CMKLR1: variants seen among roughly 807,000 people sequenced by gnomAD.
CMKLR1 encodes chemerin chemokine-like receptor 1.
CMKLR1 carries 6 observed loss-of-function variants against 8.2 expected under a neutral mutation model. That is an observed-to-expected ratio of 0.73 (90% confidence interval 0.40 to 1.44). The LOEUF is 1.44. Among genes scored for constraint, CMKLR1 ranks in the 40% most tolerant of loss-of-function variants. The probability of loss-of-function intolerance (pLI) is 0.02; values close to 1 mark genes in which losing one functional copy is unlikely to be tolerated. For missense variants in CMKLR1, 429 were observed against 478.0 expected, an observed-to-expected ratio of 0.90 and a Z score of 0.96; for synonymous variants, 178 against 181.2, an observed-to-expected ratio of 0.98 and a Z score of 0.14.
At chr12:108,314,382 TG>T (rs1891664773) in intron 2 of CMKLR1, among the ~76,000 whole-genome samples, 1 of 152,120 alleles carries the variant, frequency 6.6e-6, no homozygotes, top group Admixed American at 6.5e-5. Flanking sequence ...TAAGGCTTCC[TG>T]ATGCTAGGAG....
chr12:108,316,521 G>A (rs955418997), intron 2 of CMKLR1, among the ~76,000 whole-genome samples: 3 of 152,146 alleles, frequency 2.0e-5, no homozygotes, highest in Admixed American at 6.5e-5. Flanking sequence ...AAGGCAGGGT[G>A]AAGAAAGTCC....
chr12:108,316,361 A>C (rs11113812), intron 2 of CMKLR1, among the ~76,000 whole-genome samples: 79,552 of 151,914 alleles, frequency 0.52, 21,661 homozygotes, highest in East Asian at 0.71. Context: ...CAGAGAGAAC[A>C]GAGGATGACA....
Position 108,292,588 on chromosome 12 carries a change from G to A in CMKLR1, c.375C>T (p.Thr125=). Residue 125 remains threonine, a synonymous_variant, in exon 4 of 4, where the codon ACC becomes ACT. Transcript: ENST00000550402. ...SNFLLIHNMF[T]SVFLLTIISS... ...TGATGATGGTCAGCAGGAAGACGCT[G>A]GTGAACATGTTGTGGATGAGAAGGA... 6.2e-7 allele frequency: 1 copy of A among 1,614,190 alleles called. No individual in the cohort carries two copies. The highest frequency in any genetic ancestry group is 8.5e-7 in the Non-Finnish European group (1 of 1,180,036).
intron 2 of CMKLR1, among the ~76,000 whole-genome samples, chr12:108,316,174 C>T (rs1255553810): frequency 6.6e-6 from 1 of 152,218 alleles, no homozygotes; most frequent in Non-Finnish European, 1.5e-5. Context: ...AAACAAAGCA[C>T]AGGCCTTCTG....
chr12:108,332,873 AG>A (rs1344810163), intron 1 of CMKLR1, among the ~76,000 whole-genome samples: 1 of 152,154 alleles, frequency 6.6e-6, no homozygotes, highest in Non-Finnish European at 1.5e-5. Context: ...CCACCTACTC[AG>A]GAGGTGGGAG....
At chr12:108,309,200 A>T (rs970321733) in intron 2 of CMKLR1, among the ~76,000 whole-genome samples, 1 of 152,242 alleles carries the variant, frequency 6.6e-6, no homozygotes, top group Non-Finnish European at 1.5e-5. Context: ...AGCTCTATGT[A>T]AATGCTGAAA....
intron 2 of CMKLR1, among the ~76,000 whole-genome samples, chr12:108,318,247 C>G (rs1260783711): frequency 6.6e-6 from 1 of 152,218 alleles, no homozygotes; most frequent in Non-Finnish European, 1.5e-5. Context: ...TTAATAGAGT[C>G]TGGAGTTCTC....
chr12:108,316,903 A>T (rs140218883), intron 2 of CMKLR1, among the ~76,000 whole-genome samples: 40 of 152,166 alleles, frequency 2.6e-4, no homozygotes, highest in African/African-American at 9.4e-4. Flanking sequence ...GGCTCAAGTG[A>T]TCCTCCCACT....
In CMKLR1 at chr12:108,291,017, C is replaced by T. The variant is rs1890948379; in HGVS notation, c.*824G>A. On this transcript the variant is annotated 3_prime_UTR_variant, in exon 4 of 4. Transcript: ENST00000550402. Reference sequence around the variant, plus strand: ...AAGATGCCTGCCACAACCCCACCCCCAGGTAAGAGGGGCAAGGTGAGATCA... The same window carrying T: ...AAGATGCCTGCCACAACCCCACCCCTAGGTAAGAGGGGCAAGGTGAGATCA... 6.6e-6 allele frequency: 1 copy of T among 152,364 alleles called. No homozygotes were observed. The allele number at this position is 152,364 out of a possible 1,614,324, so 9.4% of individuals were successfully genotyped here. A position where few individuals can be genotyped will look rare whatever the true frequency, so the allele number is the denominator to read the frequency against.
intron 1 of CMKLR1, among the ~76,000 whole-genome samples, chr12:108,336,144 AGTTCTCAAGTTTTGGGGTGCATCTGAAT>A (rs1892215770): frequency 6.6e-6 from 1 of 152,208 alleles, no homozygotes; most frequent in Non-Finnish European, 1.5e-5. Flanking sequence ...CTAGGTTGGT[AGTTCTCAAGTTTTGGGGTGCATCTGAAT>A]GACCTGGGGT....
rs1213912476 is a variant in CMKLR1, at chr12:108,292,498, C to T, written c.465G>A (p.Leu155=). Residue 155 remains leucine, a synonymous_variant, in exon 4 of 4, where the codon CTG becomes CTA. Transcript: ENST00000550402. ...AGATGACCATGCAGGCCATGTAAGCCAGGCGAACGCTGCGGTGGTTCTGGG... is the reference window on the plus strand; with the variant it reads ...AGATGACCATGCAGGCCATGTAAGCTAGGCGAACGCTGCGGTGGTTCTGGG... The part of the protein sequence containing the change: ...VWSQNHRSVR[L]AYMACMVIWV... The T allele has an allele frequency of 6.2e-7, 1 of 1,614,064 alleles. No homozygotes were observed. Among genetic ancestry groups the T allele is most frequent in the Non-Finnish European group, 8.5e-7 (1 of 1,180,050 alleles).
At chr12:108,300,400 C>A (rs973849026) in intron 2 of CMKLR1, among the ~76,000 whole-genome samples, 23 of 152,306 alleles carry the variant, frequency 1.5e-4, no homozygotes, top group African/African-American at 5.3e-4. Flanking sequence ...TTCCATGTAC[C>A]TATCACCTAA....
intron 2 of CMKLR1, among the ~76,000 whole-genome samples, chr12:108,301,287 G>A (rs1421577244): frequency 6.6e-6 from 1 of 151,930 alleles, no homozygotes; most frequent in Admixed American, 6.5e-5. Flanking sequence ...ATGTTAGCCA[G>A]GATGGTCTCA....
chr12:108,316,899 A>G (rs1227529724), intron 2 of CMKLR1, among the ~76,000 whole-genome samples: 1 of 152,194 alleles, frequency 6.6e-6, no homozygotes, highest in African/African-American at 2.4e-5. Context: ...CCTGGGCTCA[A>G]GTGATCCTCC....
chr12:108,338,698 G>C lies in CMKLR1; in HGVS notation c.-287+329C>G, dbSNP rs186382439. On this transcript the variant is annotated intron_variant, in intron 1 of 3. Coordinates refer to ENST00000550402, the MANE Select transcript of CMKLR1 (RefSeq NM_001142343.2). ...AAAGAAGCAAATCTATTATGGAAAA[G>C]TCAAATAATCTTAAGATAGCCTTTC... Among the ~76,000 whole-genome samples the C allele has an allele frequency of 3.9e-4, 59 of 152,220 alleles. 1 individual carries two copies. Among genetic ancestry groups the C allele is most frequent in the African/African-American group, 1.3e-3 (54 of 41,550 alleles).
chr12:108,316,096 T>C (rs1338044806), intron 2 of CMKLR1, among the ~76,000 whole-genome samples: 3 of 152,172 alleles, frequency 2.0e-5, no homozygotes, highest in African/African-American at 7.2e-5. Flanking sequence ...ATGGAGTCAC[T>C]GCAAAATGAA....
chr12:108,294,883 A>C (rs990720923), intron 2 of CMKLR1, among the ~76,000 whole-genome samples: 2 of 152,184 alleles, frequency 1.3e-5, no homozygotes, highest in East Asian at 3.9e-4. Flanking sequence ...GATCCTTCCC[A>C]GCTTAAGGTT....
chr12:108,335,029 A>G (rs1380858741), intron 1 of CMKLR1, among the ~76,000 whole-genome samples: 1 of 152,152 alleles, frequency 6.6e-6, no homozygotes, highest in Non-Finnish European at 1.5e-5. Flanking sequence ...ATTTGATGGG[A>G]ATTACCTTGA....
At chr12:108,308,730 A>C (rs1891475578) in intron 2 of CMKLR1, among the ~76,000 whole-genome samples, 1 of 152,192 alleles carries the variant, frequency 6.6e-6, no homozygotes, top group South Asian at 2.1e-4. Context: ...AGCTTCCGAC[A>C]AGACAATCTT....
Sources: allele counts gnomAD v4.1 joint callset (sites outside exome capture counted in the v4.1 genomes callset), GRCh38; gene constraint gnomAD v4.1.1; transcripts MANE v1.5; gene names NCBI Gene and HGNC (gene_info 2026-07-23, HGNC 2026-07-21).